The following GPC5 variants were observed in gnomAD, a reference collection of about 807,000 sequenced individuals.
GPC5 encodes glypican-5.
GPC5 carries 47 observed loss-of-function variants against 53.9 expected under a neutral mutation model. The observed-to-expected ratio is 0.87, with a 90% confidence interval of 0.69 to 1.11. The LOEUF (loss-of-function observed/expected upper bound fraction) is 1.11, where lower values mean the gene tolerates loss of function less well. Among genes scored for constraint, GPC5 ranks in the 50% most tolerant of loss-of-function variants. GPC5 has a pLI of 0.00. For synonymous variants in GPC5, 286 were observed against 263.3 expected, an observed-to-expected ratio of 1.09 and a Z score of -0.84; for missense variants, 748 against 713.1, an observed-to-expected ratio of 1.05 and a Z score of -0.56.
chr13:91,969,203 A>G lies in GPC5; in HGVS notation c.1401+61146A>G, dbSNP rs543696661. 1.7e-4 allele frequency among the ~76,000 whole-genome samples: 26 copies of G among 152,022 alleles called. No homozygotes were observed. In the East Asian group the frequency reaches 3.9e-3, roughly 23 times the overall value. On this transcript the variant is annotated intron_variant, in intron 6 of 7. Transcript: ENST00000377067. ...AGGTTGGTTTTGAACTCCTGACCTC[A>G]TGATCCTCTTGCCTAGGCTTTCCAA...
intron 7 of GPC5, among the ~76,000 whole-genome samples, chr13:92,820,578 C>T (rs890152168): frequency 2.0e-5 from 3 of 152,076 alleles, no homozygotes; most frequent in African/African-American, 4.8e-5. Flanking sequence ...ACAACGCCTT[C>T]GTTATCTGAC....
At chr13:92,503,332 A>G (rs1443030049) in intron 7 of GPC5, among the ~76,000 whole-genome samples, 1 of 151,838 alleles carries the variant, frequency 6.6e-6, no homozygotes, top group Non-Finnish European at 1.5e-5. Context: ...GAAAATTAGA[A>G]TACATACTGA....
chr13:92,511,544 G>C (rs970904469), intron 7 of GPC5, among the ~76,000 whole-genome samples: 1 of 152,158 alleles, frequency 6.6e-6, no homozygotes, highest in Non-Finnish European at 1.5e-5. Context: ...AAAAATGCCA[G>C]CTGATTAAAT....
chr13:92,253,285 G>A (rs2042704743), intron 7 of GPC5, among the ~76,000 whole-genome samples: 1 of 152,076 alleles, frequency 6.6e-6, no homozygotes. Flanking sequence ...AGATATTAAT[G>A]GGTGATGAGA....
chr13:91,908,406 A>T (rs1242381151), intron 6 of GPC5, among the ~76,000 whole-genome samples: 3 of 152,142 alleles, frequency 2.0e-5, no homozygotes, highest in Non-Finnish European at 2.9e-5. Context: ...AGAAGTTGCC[A>T]GAGTTATCTT....
chr13:91,970,719 A>G (rs950939993), intron 6 of GPC5, among the ~76,000 whole-genome samples: 1 of 152,158 alleles, frequency 6.6e-6, no homozygotes, highest in Non-Finnish European at 1.5e-5. Context: ...ATCTATTGAG[A>G]TAATCATGTG....
chr13:91,444,195 A>G (rs1473509048), intron 1 of GPC5, among the ~76,000 whole-genome samples: 1 of 151,984 alleles, frequency 6.6e-6, no homozygotes, highest in African/African-American at 2.4e-5. Context: ...GTAAGGCTTC[A>G]TTTAGAATTA....
At chr13:92,598,828 C>T (rs928676834) in intron 7 of GPC5, among the ~76,000 whole-genome samples, 5 of 152,246 alleles carry the variant, frequency 3.3e-5, no homozygotes, top group African/African-American at 1.2e-4. Flanking sequence ...ACCAACCTGA[C>T]CAACATGGCG....
chr13:92,662,318 T>A (rs946926919), intron 7 of GPC5, among the ~76,000 whole-genome samples: 1 of 152,190 alleles, frequency 6.6e-6, no homozygotes, highest in African/African-American at 2.4e-5. Context: ...AGGCAAGTCT[T>A]ACCTTGCATA....
chr13:92,719,417 A>T (rs1207141691), intron 7 of GPC5, among the ~76,000 whole-genome samples: 1 of 152,128 alleles, frequency 6.6e-6, no homozygotes, highest in Non-Finnish European at 1.5e-5. Context: ...TCTCATTGTG[A>T]TTTCATCACT....
intron 6 of GPC5, among the ~76,000 whole-genome samples, chr13:92,056,770 T>C (rs1394458674): frequency 6.6e-6 from 1 of 152,242 alleles, no homozygotes; most frequent in Non-Finnish European, 1.5e-5. Flanking sequence ...GTTTATATAG[T>C]TGTCAAGACA....
At chr13:92,777,394 G>A (rs9561147) in intron 7 of GPC5, among the ~76,000 whole-genome samples, 4,668 of 150,286 alleles carry the variant, frequency 0.031, 304 homozygotes, top group East Asian at 0.27. Context: ...CAGTACTTTG[G>A]GAGGCCAAGG....
At chr13:92,359,011 C>T (rs2043545220) in intron 7 of GPC5, among the ~76,000 whole-genome samples, 1 of 151,786 alleles carries the variant, frequency 6.6e-6, no homozygotes, top group African/African-American at 2.4e-5. Context: ...TTCTTTTCTG[C>T]CACATGGCTA....
At chr13:92,018,491 TTGAA>T (rs1236691684) in intron 6 of GPC5, among the ~76,000 whole-genome samples, 1 of 152,068 alleles carries the variant, frequency 6.6e-6, no homozygotes, top group Non-Finnish European at 1.5e-5. Context: ...ATATTTGTGT[TTGAA>T]TGGTACTTAA....
chr13:92,038,384 G>GATAGA (rs1566406945), intron 6 of GPC5, among the ~76,000 whole-genome samples: 16 of 73,820 alleles, frequency 2.2e-4, no homozygotes, highest in Admixed American at 3.0e-4. Flanking sequence ...AGATAGATAG[G>GATAGA]TAGATAGATA....
intron 5 of GPC5, among the ~76,000 whole-genome samples, chr13:91,848,948 G>A (rs575461775): frequency 5.3e-5 from 8 of 152,202 alleles, no homozygotes; most frequent in South Asian, 4.1e-4. Context: ...TAGATTGCTC[G>A]TATTTTATTT....
intron 7 of GPC5, among the ~76,000 whole-genome samples, chr13:92,666,697 T>C (rs1175286531): frequency 6.6e-6 from 1 of 152,214 alleles, no homozygotes. Flanking sequence ...GGGAGAACAT[T>C]AGTGCTCAGC....
At chr13:91,571,828 T>TACACACATATACGTGTGTATATATAC (rs768975728) in intron 2 of GPC5, among the ~76,000 whole-genome samples, 1 of 64,854 alleles carries the variant, frequency 1.5e-5, no homozygotes, top group African/African-American at 1.7e-4. Context: ...TGTGTATATA[T>TACACACATATACGTGTGTATATATAC]ACACATATAC....
intron 6 of GPC5, among the ~76,000 whole-genome samples, chr13:92,135,958 G>A (rs1173623789): frequency 6.6e-6 from 1 of 152,106 alleles, no homozygotes; most frequent in African/African-American, 2.4e-5. Context: ...TTATGTACAC[G>A]GTATTTCTAC....
Sources: allele counts gnomAD v4.1 joint callset (sites outside exome capture counted in the v4.1 genomes callset), GRCh38; gene constraint gnomAD v4.1.1; transcripts MANE v1.5; gene names NCBI Gene and HGNC (gene_info 2026-07-23, HGNC 2026-07-21).